The following SMYD3 variants were observed in gnomAD, a reference collection of about 807,000 sequenced individuals.
The protein encoded by SMYD3 is histone-lysine N-methyltransferase SMYD3.
In SMYD3, 36 loss-of-function variants were observed where a neutral mutation model predicts 57.7. That is an observed-to-expected ratio of 0.62 (90% CI 0.48 to 0.82). The LOEUF (loss-of-function observed/expected upper bound fraction) is 0.82, where lower values mean the gene tolerates loss of function less well. Ranked by LOEUF, SMYD3 falls within the 40% of genes least tolerant of loss-of-function variation. The probability of loss-of-function intolerance (pLI) is 0.00; values close to 1 mark genes in which losing one functional copy is unlikely to be tolerated. For missense variants in SMYD3, 515 were observed against 538.8 expected, an observed-to-expected ratio of 0.96 and a Z score of 0.44; for synonymous variants, 211 against 195.0, an observed-to-expected ratio of 1.08 and a Z score of -0.68.
At chr1:246,442,987 G>A (rs2067493234) in intron 1 of SMYD3, among the ~76,000 whole-genome samples, 1 of 152,108 alleles carries the variant, frequency 6.6e-6, no homozygotes, top group Non-Finnish European at 1.5e-5. Flanking sequence ...CCCAACTTCA[G>A]ATTTTATGCT....
At chr1:245,969,227 T>C (rs2058233894) in intron 5 of SMYD3, among the ~76,000 whole-genome samples, 1 of 152,212 alleles carries the variant, frequency 6.6e-6, no homozygotes, top group Non-Finnish European at 1.5e-5. Flanking sequence ...GCTGTGAGAA[T>C]GAACCACAAT....
intron 1 of SMYD3, among the ~76,000 whole-genome samples, chr1:246,453,229 A>G (rs2067656072): frequency 2.6e-5 from 4 of 152,354 alleles, no homozygotes; most frequent in African/African-American, 9.6e-5. Context: ...CTTAACACAC[A>G]AGCAGTCATA....
chr1:246,030,027 A>C (rs759684449), intron 5 of SMYD3, among the ~76,000 whole-genome samples: 1 of 149,116 alleles, frequency 6.7e-6, no homozygotes, highest in Non-Finnish European at 1.5e-5. Flanking sequence ...TTTTTTTTAC[A>C]AAAGAAAGGA....
chr1:245,852,641 T>C (rs556763700), intron 10 of SMYD3, among the ~76,000 whole-genome samples: 15 of 152,204 alleles, frequency 9.9e-5, no homozygotes, highest in Non-Finnish European at 1.6e-4. Flanking sequence ...GTCATTGTCA[T>C]ATCTTCTTTC....
chr1:245,985,228 G>A (rs554310263), intron 5 of SMYD3, among the ~76,000 whole-genome samples: 3 of 152,042 alleles, frequency 2.0e-5, no homozygotes, highest in Non-Finnish European at 4.4e-5. Flanking sequence ...GTCTTCTGAT[G>A]CCATACATTT....
chr1:245,776,896 G>A (rs1276547676), intron 10 of SMYD3, among the ~76,000 whole-genome samples: 1 of 152,180 alleles, frequency 6.6e-6, no homozygotes, highest in Non-Finnish European at 1.5e-5. Context: ...ACACAGCCGT[G>A]TCTATTCATT....
chr1:246,459,805 A>G (rs1484858034), intron 1 of SMYD3, among the ~76,000 whole-genome samples: 1 of 151,928 alleles, frequency 6.6e-6, no homozygotes, highest in Non-Finnish European at 1.5e-5. Context: ...AGTCACATAC[A>G]GTATTAAAGC....
At chr1:246,025,862 T>G (rs1221402462) in intron 5 of SMYD3, 1 of 152,362 alleles carries the variant, frequency 6.6e-6, no homozygotes, top group East Asian at 1.9e-4. Context: ...CCCAGCACAG[T>G]GGCTCATGCC....
chr1:245,878,132 C>A (rs1427841118), intron 8 of SMYD3, among the ~76,000 whole-genome samples: 1 of 151,992 alleles, frequency 6.6e-6, no homozygotes, highest in Non-Finnish European at 1.5e-5. Flanking sequence ...TCAGAGAGAG[C>A]GTGCTTTGGG....
intron 1 of SMYD3, among the ~76,000 whole-genome samples, chr1:246,474,076 T>C (rs1029767054): frequency 2.6e-5 from 4 of 152,260 alleles, no homozygotes; most frequent in Non-Finnish European, 4.4e-5. Context: ...TGCTTACTAA[T>C]AGTTAACATC....
At chr1:246,199,032 G>A (rs1402149020) in intron 5 of SMYD3, among the ~76,000 whole-genome samples, 3 of 152,136 alleles carry the variant, frequency 2.0e-5, no homozygotes, top group Non-Finnish European at 4.4e-5. Context: ...GGTATGTAGT[G>A]TGGCGCTGAG....
intron 5 of SMYD3, among the ~76,000 whole-genome samples, chr1:245,982,474 A>G (rs2058617667): frequency 6.6e-6 from 1 of 152,228 alleles, no homozygotes; most frequent in Non-Finnish European, 1.5e-5. Context: ...TCAATTTCTG[A>G]TCAAATGTGA....
chr1:246,102,079 AC>A (rs2061025126), intron 5 of SMYD3, among the ~76,000 whole-genome samples: 1 of 152,064 alleles, frequency 6.6e-6, no homozygotes, highest in Non-Finnish European at 1.5e-5. Flanking sequence ...ATCTCCAGGC[AC>A]CTCATATGGT....
intron 7 of SMYD3, among the ~76,000 whole-genome samples, chr1:245,916,319 G>A (rs1221359902): frequency 6.6e-6 from 1 of 152,036 alleles, no homozygotes; most frequent in East Asian, 1.9e-4. Flanking sequence ...ATATTTAAAG[G>A]ACTCCTCGGA....
At chr1:246,395,704 GGACAGGGAAGACGAACACACCAGTCA>G (rs1330100513) in intron 1 of SMYD3, among the ~76,000 whole-genome samples, 299 of 27,002 alleles carry the variant, frequency 0.011, 2 homozygotes, top group Non-Finnish European at 0.023. Context: ...CACCATGGCT[GGACAGGGAAGACGAACACACCAGTCA>G]GACAGGGAAG....
chr1:245,968,332 C>A (rs1297803837), intron 5 of SMYD3, among the ~76,000 whole-genome samples: 1 of 152,060 alleles, frequency 6.6e-6, no homozygotes, highest in Non-Finnish European at 1.5e-5. Context: ...CATTCCCTGA[C>A]TAAGCTGCAG....
intron 1 of SMYD3, among the ~76,000 whole-genome samples, chr1:246,421,048 C>G (rs539699685): frequency 6.6e-6 from 1 of 152,268 alleles, no homozygotes; most frequent in South Asian, 2.1e-4. Flanking sequence ...AATGTTTACA[C>G]TGTATATTTT....
intron 5 of SMYD3, among the ~76,000 whole-genome samples, chr1:246,155,767 G>A (rs954562676): frequency 7.9e-5 from 12 of 152,058 alleles, no homozygotes; most frequent in Admixed American, 3.3e-4. Flanking sequence ...ATCACTTGAG[G>A]TCAGGAGTTC....
intron 5 of SMYD3, among the ~76,000 whole-genome samples, chr1:246,094,157 G>A (rs1227029007): frequency 6.6e-6 from 1 of 152,270 alleles, no homozygotes; most frequent in South Asian, 2.1e-4. Context: ...CCAAGATGAT[G>A]CAGTGTTTGT....
Sources: allele counts gnomAD v4.1 joint callset (sites outside exome capture counted in the v4.1 genomes callset), GRCh38; gene constraint gnomAD v4.1.1; transcripts MANE v1.5; gene names NCBI Gene and HGNC (gene_info 2026-07-23, HGNC 2026-07-21).